CTNNA3: variants seen among roughly 807,000 people sequenced by gnomAD.
CTNNA3 encodes the protein catenin alpha 3.
CTNNA3 carries 76 observed loss-of-function variants against 95.7 expected under a neutral mutation model. The ratio of observed to expected loss-of-function variants is 0.79; its 90% CI spans 0.66 to 0.96. CTNNA3 has a LOEUF of 0.96. Among genes scored for constraint, CTNNA3 ranks in the 40% least tolerant of loss-of-function variants. The pLI, the probability that CTNNA3 is intolerant of heterozygous loss-of-function variation, is 0.00. For missense variants in CTNNA3, 1,191 were observed against 1,089.8 expected (o/e 1.09, Z -1.31); for synonymous variants, 431 against 374.4 (o/e 1.15, Z -1.74).
chr10:67,560,218 C>A (rs1029768000), intron 3 of CTNNA3, among the ~76,000 whole-genome samples: 1 of 151,904 alleles, frequency 6.6e-6, no homozygotes, highest in Admixed American at 6.6e-5. Flanking sequence ...AAGGAAAAAA[C>A]GGTAAGGGCA....
intron 15 of CTNNA3, among the ~76,000 whole-genome samples, chr10:66,014,698 A>G (rs1285329043): frequency 6.6e-6 from 1 of 152,132 alleles, no homozygotes; most frequent in African/African-American, 2.4e-5. Context: ...ACTTTTTACA[A>G]CTAAGAAAAA....
intron 5 of CTNNA3, among the ~76,000 whole-genome samples, chr10:67,227,623 C>A (rs775242215): frequency 6.6e-6 from 1 of 152,162 alleles, no homozygotes; most frequent in Non-Finnish European, 1.5e-5. Flanking sequence ...CTACTGACAG[C>A]ACTAGACAAG....
intron 16 of CTNNA3, among the ~76,000 whole-genome samples, chr10:65,968,899 C>T (rs1031710108): frequency 1.3e-5 from 2 of 152,142 alleles, no homozygotes; most frequent in Non-Finnish European, 2.9e-5. Context: ...TCATGCCTGC[C>T]CTTAGGGAAT....
intron 13 of CTNNA3, among the ~76,000 whole-genome samples, chr10:66,136,764 A>G (rs867273488): frequency 7.9e-5 from 12 of 152,260 alleles, no homozygotes; most frequent in African/African-American, 2.4e-4. Flanking sequence ...TAAAATAATT[A>G]AGAAGGAATG....
At chr10:66,121,552 G>A (rs2082574226) in intron 13 of CTNNA3, among the ~76,000 whole-genome samples, 1 of 152,072 alleles carries the variant, frequency 6.6e-6, no homozygotes, top group Non-Finnish European at 1.5e-5. Context: ...GAATAATCAT[G>A]TGGGAAAAAA....
intron 17 of CTNNA3, among the ~76,000 whole-genome samples, chr10:65,955,717 G>A (rs369461866): frequency 1.3e-5 from 2 of 151,974 alleles, no homozygotes; most frequent in Non-Finnish European, 2.9e-5. Flanking sequence ...TTGAACCAGC[G>A]TTTCATCCCA....
intron 3 of CTNNA3, among the ~76,000 whole-genome samples, chr10:67,545,886 T>G (rs1466540710): frequency 6.6e-6 from 1 of 152,182 alleles, no homozygotes; most frequent in African/African-American, 2.4e-5. Flanking sequence ...TAACTTTCAG[T>G]CACATTTAGT....
intron 7 of CTNNA3, among the ~76,000 whole-genome samples, chr10:66,834,618 G>T (rs1842829456): frequency 6.6e-6 from 1 of 152,128 alleles, no homozygotes; most frequent in African/African-American, 2.4e-5. Flanking sequence ...TTGAAGATAT[G>T]ACTTTAAGAA....
chr10:67,738,055 T>C (rs1014256645), intron 1 of CTNNA3, among the ~76,000 whole-genome samples: 2 of 152,144 alleles, frequency 1.3e-5, no homozygotes, highest in African/African-American at 4.8e-5. Context: ...CTTCCAGGTA[T>C]GAAGAAAACC....
chr10:66,074,025 G>T (rs1349222083), intron 14 of CTNNA3, among the ~76,000 whole-genome samples: 1 of 151,832 alleles, frequency 6.6e-6, no homozygotes, highest in African/African-American at 2.4e-5. Context: ...ATCTCCTAAG[G>T]GTAATCACTA....
At chr10:66,473,652 C>T (rs866770775) in intron 11 of CTNNA3, among the ~76,000 whole-genome samples, 9 of 152,006 alleles carry the variant, frequency 5.9e-5, no homozygotes, top group South Asian at 2.1e-4. Context: ...TCTCCTAATG[C>T]TATCCCTCCT....
intron 9 of CTNNA3, among the ~76,000 whole-genome samples, chr10:66,725,227 T>C (rs1185330724): frequency 1.3e-5 from 2 of 152,130 alleles, no homozygotes; most frequent in Non-Finnish European, 2.9e-5. Context: ...AATACATGGA[T>C]ATGGAACCCA....
chr10:65,988,900 C>T (rs932033886), intron 15 of CTNNA3, 103 bp from the exon 16 acceptor site: 5 of 719,042 alleles, frequency 7.0e-6, no homozygotes, highest in Non-Finnish European at 1.2e-5. Context: ...TCCATCCATC[C>T]GCATATGTAA....
chr10:66,252,282 A>G (rs951068654), intron 13 of CTNNA3, among the ~76,000 whole-genome samples: 1 of 152,202 alleles, frequency 6.6e-6, no homozygotes, highest in African/African-American at 2.4e-5. Flanking sequence ...GGAAGAGAAC[A>G]TATTTTCAAG....
chr10:65,992,343 T>G (rs907087557), intron 15 of CTNNA3, among the ~76,000 whole-genome samples: 1 of 152,092 alleles, frequency 6.6e-6, no homozygotes, highest in Non-Finnish European at 1.5e-5. Context: ...CTTTGTAAGT[T>G]TGGTAGAATT....
At position 67,615,646 on chromosome 10, in the gene CTNNA3, C is replaced by T. The variant is rs973095628; in HGVS notation, c.100-8597G>A. On this transcript the variant is annotated intron_variant, in intron 2 of 17. Coordinates refer to ENST00000433211, the MANE Select transcript of CTNNA3 (RefSeq NM_013266.4). Reference sequence around the variant, plus strand: ...ATACATAAGTAAATGTGTAACACAACGGCAGGTATTCTTTTTTTTTTTTTT... The same window carrying T: ...ATACATAAGTAAATGTGTAACACAATGGCAGGTATTCTTTTTTTTTTTTTT... 7.4e-5 allele frequency among the ~76,000 whole-genome samples: 11 copies of T among 147,766 alleles called. No individual in the cohort carries two copies. In the East Asian group the frequency reaches 1.0e-3, roughly 14 times the overall value.
At chr10:66,600,654 G>C (rs10997256) in intron 10 of CTNNA3, among the ~76,000 whole-genome samples, 27,900 of 151,472 alleles carry the variant, frequency 0.18, 2,864 homozygotes, top group African/African-American at 0.27. Context: ...ATCTCTCTTG[G>C]TATCAAATCT....
chr10:66,464,767 TA>T (rs58971885), intron 11 of CTNNA3, among the ~76,000 whole-genome samples: 17 of 137,986 alleles, frequency 1.2e-4, no homozygotes, highest in South Asian at 2.3e-4. Flanking sequence ...TCTCAAAAAA[TA>T]AAAAAAAAAA....
chr10:66,638,337 C>A (rs1025259024), intron 9 of CTNNA3, among the ~76,000 whole-genome samples: 1 of 152,126 alleles, frequency 6.6e-6, no homozygotes, highest in East Asian at 1.9e-4. Context: ...TCTTTCCCAG[C>A]ACATTCTATT....
Sources: allele counts gnomAD v4.1 joint callset (sites outside exome capture counted in the v4.1 genomes callset), GRCh38; gene constraint gnomAD v4.1.1; transcripts MANE v1.5; gene names NCBI Gene and HGNC (gene_info 2026-07-23, HGNC 2026-07-21).